The following PHACTR3 variants were observed in gnomAD, a reference collection of about 807,000 sequenced individuals.
The protein encoded by PHACTR3 is protein phosphatase 1, regulatory subunit 123.
PHACTR3 carries 16 observed loss-of-function variants against 66.8 expected under a neutral mutation model. The observed-to-expected ratio is 0.24, with a 90% CI of 0.16 to 0.36. The LOEUF (loss-of-function observed/expected upper bound fraction) is 0.36. PHACTR3 is among the 10% of genes least tolerant of loss of function. The probability of loss-of-function intolerance (pLI) is 1.00; values close to 1 mark genes in which losing one functional copy is unlikely to be tolerated. For synonymous variants in PHACTR3, 323 were observed against 292.1 expected (o/e 1.11, Z -1.08); for missense variants, 647 against 719.9 (o/e 0.90, Z 1.16).
intron 8 of PHACTR3, among the ~76,000 whole-genome samples, chr20:59,824,056 A>G (rs1287719853): frequency 6.6e-6 from 1 of 152,188 alleles, no homozygotes; most frequent in Non-Finnish European, 1.5e-5. Flanking sequence ...CTGCTTCAAG[A>G]AGCCTCAACC....
chr20:59,614,670 G>T (rs937333768), intron 1 of PHACTR3, among the ~76,000 whole-genome samples: 10 of 152,060 alleles, frequency 6.6e-5, no homozygotes, highest in Non-Finnish European at 1.2e-4. Context: ...GTCACCATTG[G>T]TCTTGCAATA....
intron 1 of PHACTR3, among the ~76,000 whole-genome samples, chr20:59,733,265 G>C: frequency 6.6e-6 from 1 of 152,020 alleles, no homozygotes; most frequent in Non-Finnish European, 1.5e-5. Context: ...CATTACTTAG[G>C]AATTTTCTAG....
chr20:59,799,645 A>G (rs1327362234), intron 7 of PHACTR3, among the ~76,000 whole-genome samples: 1 of 151,952 alleles, frequency 6.6e-6, no homozygotes, highest in Non-Finnish European at 1.5e-5. Flanking sequence ...TTAAGATTTT[A>G]TTTTTAATCT....
chr20:59,829,331 T>C lies in PHACTR3; in HGVS notation c.1329-7174T>C, dbSNP rs2145458534. 6.6e-6 allele frequency among the ~76,000 whole-genome samples: 1 copy of C among 152,266 alleles called. No homozygotes were observed. The highest frequency in any genetic ancestry group is 1.9e-4 in the East Asian group (1 of 5,154). ...CCTAGTGTGGACACACTCCATCCCC[T>C]CTGCCTGGATGCCCATCCCAGGTCT... On this transcript the variant is annotated intron_variant, in intron 8 of 12. Coordinates refer to ENST00000371015, the MANE Select transcript of PHACTR3 (RefSeq NM_080672.5). The surrounding 1 kb of genome is among the most constrained non-coding windows in gnomAD (Gnocchi z 4.2).
rs1319209201 is a variant in PHACTR3, at chr20:59,830,619, G to A, written c.1329-5886G>A. Among the ~76,000 whole-genome samples, 7 of 152,338 alleles carry A rather than the reference G, an allele frequency of 4.6e-5. No individual in the cohort carries two copies. In the South Asian group the frequency reaches 8.3e-4, roughly 18 times the overall value. On this transcript the variant is annotated intron_variant, in intron 8 of 12. Coordinates refer to ENST00000371015, the MANE Select transcript of PHACTR3 (RefSeq NM_080672.5). The surrounding 1 kb of genome is among the most constrained non-coding windows in gnomAD (Gnocchi z 5.8). ...GAGCCTGCAGCTCTGCTGGCTGAAGGTGGAAGAGACCTGGGCTCAGCACGC... is the reference window on the plus strand; with the variant it reads ...GAGCCTGCAGCTCTGCTGGCTGAAGATGGAAGAGACCTGGGCTCAGCACGC...
At chr20:59,834,345 A>G (rs543137450) in intron 8 of PHACTR3, among the ~76,000 whole-genome samples, 26 of 152,232 alleles carry the variant, frequency 1.7e-4, no homozygotes, top group African/African-American at 6.0e-4. Context: ...CTGCCCCACC[A>G]TTATTCACAC....
At chr20:59,774,838 A>G (rs953661383) in intron 7 of PHACTR3, among the ~76,000 whole-genome samples, 5 of 152,148 alleles carry the variant, frequency 3.3e-5, no homozygotes, top group Admixed American at 6.5e-5. Flanking sequence ...CGAACAGTAT[A>G]TAGTTGGTGT....
intron 7 of PHACTR3, among the ~76,000 whole-genome samples, chr20:59,791,063 A>T (rs771652648): frequency 2.6e-5 from 4 of 152,148 alleles, no homozygotes; most frequent in Non-Finnish European, 5.9e-5. Flanking sequence ...AGCACCTTTC[A>T]GCTCCACCAT....
chr20:59,721,135 A>G (rs1395004837), intron 1 of PHACTR3: 1 of 152,194 alleles, frequency 6.6e-6, no homozygotes. Context: ...TATTATCCCC[A>G]TTGCACATGA....
chr20:59,703,316 TC>T (rs1350811907), intron 1 of PHACTR3, among the ~76,000 whole-genome samples: 1 of 152,234 alleles, frequency 6.6e-6, no homozygotes, highest in Non-Finnish European at 1.5e-5. Context: ...TAAGTCTAAG[TC>T]TTTTGAAAGG....
At chr20:59,615,294 ATGCTGTTATAAATTTTCATCT>A (rs759607812) in intron 1 of PHACTR3, among the ~76,000 whole-genome samples, 146 of 152,174 alleles carry the variant, frequency 9.6e-4, no homozygotes, top group Non-Finnish European at 1.9e-3. Context: ...AAATGGGGAA[ATGCTGTTATAAATTTTCATCT>A]TGGTCTTGTG....
At chr20:59,586,888 C>T (rs1201517245) in intron 1 of PHACTR3, among the ~76,000 whole-genome samples, 2 of 152,176 alleles carry the variant, frequency 1.3e-5, no homozygotes, top group Admixed American at 1.3e-4. Context: ...GCTGCTGAGC[C>T]GAATTTGAGC....
At chr20:59,618,450 G>C (rs6015533) in intron 1 of PHACTR3, among the ~76,000 whole-genome samples, 24 of 152,342 alleles carry the variant, frequency 1.6e-4, no homozygotes, top group African/African-American at 5.5e-4. Context: ...AGCAGAGTGA[G>C]ACCAGGGAAG....
intron 1 of PHACTR3, among the ~76,000 whole-genome samples, chr20:59,591,905 C>A (rs1473354836): frequency 1.3e-5 from 2 of 152,008 alleles, no homozygotes; most frequent in African/African-American, 4.8e-5. Flanking sequence ...CTTCTCTCGC[C>A]CCTCAACTCT....
In PHACTR3 at chr20:59,604,623, GC is replaced by G; in HGVS notation, c.-387del. The G allele has an allele frequency of 1.0e-6, 1 of 971,272 alleles. No individual in the cohort carries two copies. Among genetic ancestry groups the G allele is most frequent in the Non-Finnish European group, 1.2e-6 (1 of 816,626 alleles). The allele number at this position is 971,272 out of a possible 1,614,324, so 60.2% of individuals were successfully genotyped here. ...GGGGGGTGGGGTGGGGGGAGGGAGC[GC>G]CCCCAGACATTCCAGGACATCACCC... On this transcript the variant is annotated 5_prime_UTR_variant, in exon 1 of 13. Coordinates refer to ENST00000371015, the MANE Select transcript of PHACTR3 (RefSeq NM_080672.5).
At chr20:59,800,516 C>T (rs185759643) in intron 7 of PHACTR3, among the ~76,000 whole-genome samples, 1 of 152,172 alleles carries the variant, frequency 6.6e-6, no homozygotes, top group African/African-American at 2.4e-5. Context: ...TCTCTTGAGA[C>T]ATCTGCTGTC....
At position 59,640,071 on chromosome 20, in the gene PHACTR3, T is replaced by C. The variant is rs142370034; in HGVS notation, c.118+34939T>C. On this transcript the variant is annotated intron_variant, in intron 1 of 12. Transcript: ENST00000371015. Reference sequence around the variant, plus strand: ...GGCTGTGAGGTGTGCAACAGGACAGTAGAGCATAGCAGATGGGTTGATGAG... The same window carrying C: ...GGCTGTGAGGTGTGCAACAGGACAGCAGAGCATAGCAGATGGGTTGATGAG... Among the ~76,000 whole-genome samples, 443 of 152,284 alleles carry C rather than the reference T, an allele frequency of 2.9e-3. 5 individuals are homozygous for C. Among genetic ancestry groups the C allele is most frequent in the African/African-American group, 0.01 (430 of 41,556 alleles).
In PHACTR3 at chr20:59,736,839, C is replaced by T. The variant is rs1489162285; in HGVS notation, c.119-6268C>T. Among the ~76,000 whole-genome samples the T allele has an allele frequency of 6.6e-6, 1 of 152,106 alleles. No homozygotes were observed. The highest frequency in any genetic ancestry group is 2.4e-5 in the African/African-American group (1 of 41,446). On this transcript the variant is annotated intron_variant, in intron 1 of 12. Coordinates refer to ENST00000371015, the MANE Select transcript of PHACTR3 (RefSeq NM_080672.5). The surrounding 1 kb of genome is among the most constrained non-coding windows in gnomAD (Gnocchi z 4.6). ...CCCCTGGCACAGTCCTGGGCTTGAG[C>T]CACCCCAGGGAAGGCAGAGGGGAGA...
intron 4 of PHACTR3, among the ~76,000 whole-genome samples, chr20:59,755,950 T>A (rs911390395): frequency 7.2e-5 from 11 of 152,102 alleles, no homozygotes; most frequent in African/African-American, 2.7e-4. Context: ...TTTCCCTCTG[T>A]TAAATGGGAA....
Sources: gnomAD v4.1 joint callset for allele counts (sites outside exome capture counted in the v4.1 genomes callset) on GRCh38, gnomAD v4.1.1 for gene constraint, Gnocchi (gnomAD v3.1) non-coding constraint, MANE v1.5 for transcripts, NCBI Gene and HGNC (gene_info 2026-07-23, HGNC 2026-07-21) for gene names.